MRPL20: variants seen among roughly 807,000 people sequenced by gnomAD.
MRPL20 encodes the protein mitochondrial ribosomal protein L20.
MRPL20 carries 21 observed loss-of-function variants against 20.0 expected under a neutral mutation model. The observed-to-expected ratio is 1.05, with a 90% CI of 0.74 to 1.51. MRPL20 has a LOEUF of 1.51. Ranked by LOEUF, MRPL20 falls within the 40% of genes most tolerant of loss-of-function variation. The probability of loss-of-function intolerance (pLI) is 0.00; values close to 1 mark genes in which losing one functional copy is unlikely to be tolerated. For missense variants in MRPL20, 252 were observed against 185.6 expected (o/e 1.36, Z -2.08); for synonymous variants, 104 against 73.0 (o/e 1.43, Z -2.17).
chr1:1,406,102 T>G, intron 2 of MRPL20: 1 of 567,822 alleles, frequency 1.8e-6, no homozygotes, highest in Non-Finnish European at 3.0e-6. Flanking sequence ...ACGCCTGTAA[T>G]CCCAGCACTT....
At position 1,407,181 on chromosome 1, in the gene MRPL20, G is replaced by C; in HGVS notation, c.37C>G (p.Arg13Gly). ...ATCCGAAAGTAGCGGTCGGTGACGC[G>C]ATTCCGCAGCCAGAGCTGCGCGGTG... ...FLTAQLWLRNRVTDRYFRIQE... is the reference protein window; with the variant it reads ...FLTAQLWLRNGVTDRYFRIQE... The change falls in exon 1 of 4, where the codon CGC (arginine) becomes GGC (glycine). Residue 13 changes from arginine (R) to glycine (G), a missense_variant. Coordinates refer to ENST00000344843, the MANE Select transcript of MRPL20 (RefSeq NM_017971.4). The C allele has an allele frequency of 6.2e-7, 1 of 1,607,036 alleles. No individual in the cohort carries two copies. Among genetic ancestry groups the C allele is most frequent in the Non-Finnish European group, 8.5e-7 (1 of 1,177,084 alleles).
At chr1:1,404,777 G>T (rs1232492157) in intron 3 of MRPL20, among the ~76,000 whole-genome samples, 1 of 152,072 alleles carries the variant, frequency 6.6e-6, no homozygotes, top group East Asian at 1.9e-4. Context: ...GGGATGCCTG[G>T]CCTTTTTTCT....
At chr1:1,405,942 G>A (rs1291573935) in intron 2 of MRPL20, 56 bp from the exon 3 acceptor site, 3 of 1,574,650 alleles carry the variant, frequency 1.9e-6, no homozygotes, top group African/African-American at 2.7e-5. Context: ...TTATGTCCCA[G>A]CAAAGCCTCT....
At chr1:1,406,070 A>T in intron 2 of MRPL20, 184 bp from the exon 3 acceptor site, 1 of 840,036 alleles carries the variant, frequency 1.2e-6, no homozygotes, top group East Asian at 2.9e-5. Flanking sequence ...AACAGCAAAA[A>T]CCCAGCTGGG....
intron 1 of MRPL20, 52 bp downstream of exon 1, chr1:1,407,079 C>T: frequency 1.9e-6 from 3 of 1,608,644 alleles, no homozygotes; most frequent in Non-Finnish European, 2.6e-6. Context: ...CGCCCCTTGG[C>T]CCGCGGGATA....
intron 3 of MRPL20, 166 bp downstream of exon 3, chr1:1,405,639 AACAT>A: frequency 8.3e-7 from 1 of 1,207,190 alleles, no homozygotes. Flanking sequence ...TACCACACTT[AACAT>A]GGACACCCCA....
At chr1:1,407,103 G>A (rs755066568) in intron 1 of MRPL20, 28 bp downstream of exon 1, 29 of 1,609,774 alleles carry the variant, frequency 1.8e-5, no homozygotes, top group East Asian at 1.3e-4. Flanking sequence ...CGGGCGCCCA[G>A]TGCCCAGGCC....
At chr1:1,406,431 C>T in intron 2 of MRPL20, 1 of 195,574 alleles carries the variant, frequency 5.1e-6, no homozygotes, top group South Asian at 8.0e-5. Flanking sequence ...AGTAATGAGG[C>T]GGCACGTGGA....
rs541815034 is a variant in MRPL20 at position 1,402,077 on chromosome 1, C to T, written c.*6G>A. 2 of 1,606,564 alleles carry T rather than the reference C, an allele frequency of 1.2e-6. No individual in the cohort carries two copies. Among genetic ancestry groups the T allele is most frequent in the African/African-American group, 1.3e-5 (1 of 74,380 alleles). On this transcript the variant is annotated 3_prime_UTR_variant, in exon 4 of 4. Transcript: ENST00000344843. ...TCTCTTTTCCTAATCAATACAGCAACAGTCCTCAGTGGTACTGCACCACTC... is the reference window on the plus strand; with the variant it reads ...TCTCTTTTCCTAATCAATACAGCAATAGTCCTCAGTGGTACTGCACCACTC...
At position 1,402,154 on chromosome 1, in the gene MRPL20, C is replaced by G; in HGVS notation, c.379G>C (p.Gly127Arg). 6.2e-7 allele frequency: 1 copy of G among 1,614,148 alleles called. No individual in the cohort carries two copies. Residue 127 changes from glycine to arginine, a missense_variant, in exon 4 of 4, where the codon GGA becomes CGA. Transcript: ENST00000344843. ...CCATCCCCCAAGGCAGCAGCAAATC[C>G]TTCGTGTCGCCTCCTACTGGCCAAG... ...AALASRRRHE[G>R]FAAALGDGKE...
intron 3 of MRPL20, among the ~76,000 whole-genome samples, chr1:1,404,083 C>CCCGCCT (rs2100394722): frequency 6.6e-6 from 1 of 152,140 alleles, no homozygotes; most frequent in African/African-American, 2.4e-5. Flanking sequence ...AGGTGATCAG[C>CCCGCCT]CCGCCTCTGC....
intron 2 of MRPL20, 122 bp downstream of exon 2, chr1:1,406,787 A>T: frequency 1.2e-6 from 1 of 837,942 alleles, no homozygotes; most frequent in Non-Finnish European, 2.0e-6. Context: ...CGGAGTTTCG[A>T]AGCAAGGTAT....
At chr1:1,406,656 A>G (rs1024621925) in intron 2 of MRPL20, 2 of 501,778 alleles carry the variant, frequency 4.0e-6, no homozygotes, top group Non-Finnish European at 3.5e-6. Flanking sequence ...ACGCAGGGAG[A>G]GTGTCAAGGC....
At chr1:1,406,507 C>G (rs1025637493) in intron 2 of MRPL20, 8 of 236,978 alleles carry the variant, frequency 3.4e-5, no homozygotes, top group East Asian at 3.3e-4. Context: ...TGGCAGCAGG[C>G]GTGGTCTCTT....
intron 3 of MRPL20, among the ~76,000 whole-genome samples, chr1:1,403,975 T>C (rs1363344808): frequency 7.0e-6 from 1 of 143,774 alleles, no homozygotes; most frequent in East Asian, 2.2e-4. Context: ...CCGAGTAGCA[T>C]ACAGGCGCAT....
chr1:1,402,918 G>C (rs1228079743), intron 3 of MRPL20, among the ~76,000 whole-genome samples: 1 of 152,038 alleles, frequency 6.6e-6, no homozygotes, highest in East Asian at 1.9e-4. Context: ...CACCAGGTCA[G>C]GAGATCAAGA....
At chr1:1,406,591 G>A (rs911329150) in intron 2 of MRPL20, 12 of 392,404 alleles carry the variant, frequency 3.1e-5, no homozygotes, top group Non-Finnish European at 4.8e-5. Flanking sequence ...GCTGCCAAAG[G>A]GAAGGGAAGC....
intron 3 of MRPL20, among the ~76,000 whole-genome samples, chr1:1,403,574 G>C (rs1645353981): frequency 2.0e-5 from 3 of 152,002 alleles, no homozygotes; most frequent in Admixed American, 2.0e-4. Flanking sequence ...ACAGTTCCCT[G>C]AGTAAAATGG....
chr1:1,402,972 C>CA (rs1378220086), intron 3 of MRPL20, among the ~76,000 whole-genome samples: 3 of 151,928 alleles, frequency 2.0e-5, no homozygotes, highest in Admixed American at 6.5e-5. Flanking sequence ...ACCAAAAATA[C>CA]AAAAAAATGA....
Sources: gnomAD v4.1 joint callset for allele counts (sites outside exome capture counted in the v4.1 genomes callset) on GRCh38, gnomAD v4.1.1 for gene constraint, MANE v1.5 for transcripts, NCBI Gene and HGNC (gene_info 2026-07-23, HGNC 2026-07-21) for gene names.